The following UBOX5 variants were observed in gnomAD, a reference collection of about 807,000 sequenced individuals.
UBOX5 encodes U-box domain containing 5.
UBOX5 carries 28 observed loss-of-function variants against 39.0 expected under a neutral mutation model. The observed-to-expected ratio is 0.72, with a 90% confidence interval of 0.53 to 0.98. The LOEUF is 0.98. UBOX5 is among the 50% of genes least tolerant of loss of function. The pLI, the probability that UBOX5 is intolerant of heterozygous loss-of-function variation, is 0.00. For synonymous variants in UBOX5, 283 were observed against 275.5 expected (o/e 1.03, Z -0.27); for missense variants, 585 against 674.4 (o/e 0.87, Z 1.47).
Position 3,121,567 on chromosome 20 carries a change from C to A in UBOX5, c.1072G>T (p.Val358Phe). Residue 358 changes from valine to phenylalanine, a missense_variant, in exon 3 of 5, where the codon GTT (valine) becomes TTT (phenylalanine). Transcript: ENST00000217173. ...TALAVIPSSI[V>F]LPSQKRKIEQ... ...ATCTTCCTTTTCTGAGAGGGCAGAACAATGGAAGAAGGGATCACTGCCAAT... is the reference window on the plus strand; with the variant it reads ...ATCTTCCTTTTCTGAGAGGGCAGAAAAATGGAAGAAGGGATCACTGCCAAT... 1.2e-6 allele frequency: 2 copies of A among 1,607,402 alleles called. No individual in the cohort carries two copies. The highest frequency in any genetic ancestry group is 1.7e-6 in the Non-Finnish European group (2 of 1,176,716).
intron 3 of UBOX5, among the ~76,000 whole-genome samples, chr20:3,120,823 C>T (rs1208251959): frequency 1.3e-5 from 2 of 152,210 alleles, no homozygotes; most frequent in Non-Finnish European, 2.9e-5. Context: ...GGAAGGCCCA[C>T]AGACCTAGTC....
intron 1 of UBOX5, among the ~76,000 whole-genome samples, chr20:3,157,989 C>T (rs1246623113): frequency 6.6e-6 from 1 of 151,922 alleles, no homozygotes; most frequent in Non-Finnish European, 1.5e-5. Flanking sequence ...TCGACCACTG[C>T]CCCCCACCTC....
At chr20:3,121,251 A>G in intron 3 of UBOX5, 133 bp downstream of exon 3, 1 of 1,350,122 alleles carries the variant, frequency 7.4e-7, no homozygotes, top group Admixed American at 2.5e-5. Context: ...CAGGATGGGA[A>G]ACGGGAAGGA....
At chr20:3,139,285 A>C (rs896095382) in intron 1 of UBOX5, among the ~76,000 whole-genome samples, 3 of 152,186 alleles carry the variant, frequency 2.0e-5, no homozygotes, top group East Asian at 3.8e-4. Context: ...AGCCCCAAAG[A>C]AGCCTGCAGT....
chr20:3,158,369 A>C (rs116028144), intron 1 of UBOX5, among the ~76,000 whole-genome samples: 2,929 of 152,334 alleles, frequency 0.019, 36 homozygotes, highest in Middle Eastern at 0.068. Flanking sequence ...GAAGAAAATC[A>C]TACTGACTAA....
chr20:3,133,063 C>T (rs1470441426), intron 1 of UBOX5, among the ~76,000 whole-genome samples: 2 of 152,010 alleles, frequency 1.3e-5, no homozygotes, highest in Admixed American at 6.6e-5. Context: ...CAAATTGAAA[C>T]GAATGAGTGT....
chr20:3,148,990 A>G, intron 1 of UBOX5: 9 of 1,614,208 alleles, frequency 5.6e-6, no homozygotes, highest in Non-Finnish European at 7.6e-6. Context: ...AGTATGACAC[A>G]CTTCGGACTG....
chr20:3,132,648 G>A (rs934007290), intron 1 of UBOX5, among the ~76,000 whole-genome samples: 20 of 151,870 alleles, frequency 1.3e-4, no homozygotes, highest in East Asian at 3.9e-4. Flanking sequence ...GCGAAATCCC[G>A]TCTCTACTAA....
At position 3,110,146 on chromosome 20, in the gene UBOX5, C is replaced by T. The variant is rs371199833; in HGVS notation, c.1586G>A (p.Arg529Gln). The T allele has an allele frequency of 1.2e-5, 20 of 1,612,876 alleles. No homozygotes were observed. Among genetic ancestry groups the T allele is most frequent in the African/African-American group, 9.3e-5 (7 of 74,894 alleles). Residue 529 changes from arginine to glutamine, a missense_variant, in exon 5 of 5, where the codon CGG becomes CAG. Physicochemically the swap from Arg to Gln is conservative, Grantham distance 43. Transcript: ENST00000217173. Reference protein sequence around the residue: ...SLPMTCTACQRPVASQDVLRV... With the variant: ...SLPMTCTACQQPVASQDVLRV... ...CAGCACGTCTTGGCTAGCAACCGGC[C>T]GCTGGCAGGCTGTGCACGTCATGGG...
At position 3,122,048 on chromosome 20, in the gene UBOX5, C is replaced by A. The variant is rs376189157; in HGVS notation, c.591G>T (p.Pro197=). ...CIKRLEVWGQ[P]AKTCSQEVID... is the part of the protein sequence containing the mutation. The stretch of plus-strand genomic sequence containing the variant: ...TCACTTCCTGGGAGCAGGTCTTGGC[C>A]GGCTGACCCCACACTTCCAACCGCT... Residue 197 remains proline, a synonymous_variant, in exon 3 of 5, where the codon CCG becomes CCT. Coordinates refer to ENST00000217173, the MANE Select transcript of UBOX5 (RefSeq NM_014948.4). 5 of 1,614,094 alleles carry A rather than the reference C, an allele frequency of 3.1e-6. No individual in the cohort carries two copies. The highest frequency in any genetic ancestry group is 1.7e-5 in the Admixed American group (1 of 60,000).
intron 1 of UBOX5, among the ~76,000 whole-genome samples, chr20:3,157,927 G>A (rs1365267969): frequency 1.3e-5 from 2 of 151,470 alleles, no homozygotes; most frequent in African/African-American, 2.4e-5. Context: ...ACAGGGTCTC[G>A]CTCTGTTGTT....
At chr20:3,123,937 C>G (rs1050552662) in intron 1 of UBOX5, among the ~76,000 whole-genome samples, 30 of 152,050 alleles carry the variant, frequency 2.0e-4, no homozygotes, top group Non-Finnish European at 2.6e-4. Flanking sequence ...CCTGTAATCC[C>G]AACAATTTGG....
chr20:3,148,833 A>G, intron 1 of UBOX5: 1 of 1,614,222 alleles, frequency 6.2e-7, no homozygotes, highest in Non-Finnish European at 8.5e-7. Context: ...GTCTTGCTGA[A>G]TTCCAAACCT....
intron 1 of UBOX5, among the ~76,000 whole-genome samples, chr20:3,141,012 A>G (rs1302011581): frequency 6.8e-6 from 1 of 147,512 alleles, no homozygotes; most frequent in East Asian, 2.0e-4. Context: ...TCTGCCTCCC[A>G]GGTTCAAGTG....
At chr20:3,156,161 T>C (rs894352478) in intron 1 of UBOX5, among the ~76,000 whole-genome samples, 1 of 150,954 alleles carries the variant, frequency 6.6e-6, no homozygotes, top group Non-Finnish European at 1.5e-5. Flanking sequence ...CTCAGTCAAT[T>C]AACTTCTGAC....
At chr20:3,151,979 C>A (rs889192277) in intron 1 of UBOX5, 1 of 151,066 alleles carries the variant, frequency 6.6e-6, no homozygotes, top group Admixed American at 6.6e-5. Flanking sequence ...GTGGCATGAG[C>A]GTGTAATCCC....
intron 1 of UBOX5, among the ~76,000 whole-genome samples, chr20:3,146,269 A>G (rs1474502003): frequency 1.3e-5 from 2 of 151,496 alleles, no homozygotes; most frequent in Non-Finnish European, 2.9e-5. Context: ...TGAATCTGGG[A>G]GGCGGAGGTT....
At chr20:3,133,219 C>G (rs1445867145) in intron 1 of UBOX5, among the ~76,000 whole-genome samples, 1 of 152,166 alleles carries the variant, frequency 6.6e-6, no homozygotes, top group Non-Finnish European at 1.5e-5. Flanking sequence ...CATCATCTAT[C>G]TTGTTCCAAT....
intron 4 of UBOX5, 61 bp downstream of exon 4, chr20:3,115,244 C>T: frequency 6.5e-7 from 1 of 1,541,198 alleles, no homozygotes; most frequent in South Asian, 1.3e-5. Context: ...GCCCAGCATC[C>T]AGAGACAGAA....
Sources: gnomAD v4.1 joint callset for allele counts (sites outside exome capture counted in the v4.1 genomes callset) on GRCh38, gnomAD v4.1.1 for gene constraint, MANE v1.5 for transcripts, NCBI Gene and HGNC (gene_info 2026-07-23, HGNC 2026-07-21) for gene names.